Variants in MAN1B1 observed in about 807,000 individuals in gnomAD.
MAN1B1 encodes endoplasmic reticulum mannosyl-oligosaccharide 1,2-alpha-mannosidase.
In MAN1B1, 66 loss-of-function variants were observed where a neutral mutation model predicts 75.5. That is an observed-to-expected ratio of 0.87 (90% CI 0.72 to 1.07). The LOEUF (loss-of-function observed/expected upper bound fraction) is 1.07. Ranked by LOEUF, MAN1B1 falls within the 50% of genes least tolerant of loss-of-function variation. The probability of loss-of-function intolerance (pLI) is 0.00; values close to 1 mark genes in which losing one functional copy is unlikely to be tolerated. For synonymous variants in MAN1B1, 453 were observed against 382.8 expected, an observed-to-expected ratio of 1.18 and a Z score of -2.14; for missense variants, 973 against 912.5, an observed-to-expected ratio of 1.07 and a Z score of -0.85.
At chr9:137,094,323 G>A (rs1042726318) in intron 3 of MAN1B1, 3 of 420,338 alleles carry the variant, frequency 7.1e-6, no homozygotes, top group South Asian at 3.6e-5. Context: ...CCCTCGTAAC[G>A]GTGATTTTTA....
chr9:137,094,709 T>C (rs897585030), intron 3 of MAN1B1, among the ~76,000 whole-genome samples: 10 of 151,036 alleles, frequency 6.6e-5, no homozygotes, highest in Non-Finnish European at 1.3e-4. Context: ...TGAAATCCTG[T>C]CTCTACTAAC....
rs751798721 is a variant in MAN1B1, at chr9:137,106,812, G to T, written c.1566+3G>T. The T allele has an allele frequency of 6.2e-7, 1 of 1,613,168 alleles. No homozygotes were observed. The highest frequency in any genetic ancestry group is 2.2e-5 in the East Asian group (1 of 44,880). ...ACGGCCGCTTCAGTGCCAAGATGGT[G>T]AGTGTGTCTGCGGGGCCTTCCGGCC... On this transcript the variant is annotated splice_donor_region_variant and intron_variant, in intron 10 of 12. Coordinates refer to ENST00000371589, the MANE Select transcript of MAN1B1 (RefSeq NM_016219.5).
chr9:137,097,686 CA>C, intron 4 of MAN1B1, 141 bp from the exon 5 acceptor site: 1 of 700,002 alleles, frequency 1.4e-6, no homozygotes. Context: ...TGTTTCCTGC[CA>C]CTCAGCAGCC....
Position 137,097,904 on chromosome 9 carries a change from C to A in MAN1B1, c.697C>A (p.Pro233Thr), listed in dbSNP as rs763067251. ...SRRAEVPTKP[P>T]LPPARTQGTP... ...AAGAGCAGAAGTGCCCACCAAGCCT[C>A]CCCTGCCACCGGCCAGGACACAGGG... The change falls in exon 5 of 13, where the codon CCC becomes ACC. Residue 233 changes from proline to threonine, a missense_variant. Coordinates refer to ENST00000371589, the MANE Select transcript of MAN1B1 (RefSeq NM_016219.5). 2.6e-6 allele frequency: 4 copies of A among 1,560,164 alleles called. No homozygotes were observed. The South Asian group carries it at 3.6e-5, about 14-fold the overall frequency.
chr9:137,088,069 C>G lies in MAN1B1; in HGVS notation c.220-6C>G, dbSNP rs987547910. On this transcript the variant is annotated splice_region_variant and splice_polypyrimidine_tract_variant and intron_variant, in intron 1 of 12. Coordinates refer to ENST00000371589, the MANE Select transcript of MAN1B1 (RefSeq NM_016219.5). ...TAAGAAATGTCATTCTCTGTACCTC[C>G]CTTAGAAATGGAAGCAACTGTCGAG... is the stretch of plus-strand genomic sequence containing the variant. The G allele has an allele frequency of 3.1e-6, 5 of 1,608,110 alleles. No individual in the cohort carries two copies. Among genetic ancestry groups the G allele is most frequent in the Non-Finnish European group, 4.3e-6 (5 of 1,174,594 alleles).
chr9:137,107,928 G>T lies in MAN1B1; in HGVS notation c.1896+266G>T, dbSNP rs901186020. 8 of 645,390 alleles carry T rather than the reference G, an allele frequency of 1.2e-5. No individual in the cohort carries two copies. In the African/African-American group the frequency reaches 1.5e-4, roughly 12 times the overall value. The allele number at this position is 645,390 out of a possible 1,614,324, so 40.0% of individuals were successfully genotyped here. ...ATTTCTCAGGGCCTGTCTAGGGAGG[G>T]TCTCTGCTGTGGGCCCAGCATCCCC... On this transcript the variant is annotated intron_variant, in intron 12 of 12. Coordinates refer to ENST00000371589, the MANE Select transcript of MAN1B1 (RefSeq NM_016219.5).
At chr9:137,096,479 C>T (rs745844732) in intron 4 of MAN1B1, 88 bp downstream of exon 4, 66 of 1,498,686 alleles carry the variant, frequency 4.4e-5, no homozygotes, top group Non-Finnish European at 5.9e-5. Flanking sequence ...TGTCTGAGAT[C>T]TATTTTCCTT....
intron 8 of MAN1B1, 45 bp from the exon 9 acceptor site, chr9:137,106,080 G>C (rs756779352): frequency 1.3e-6 from 2 of 1,522,582 alleles, no homozygotes; most frequent in Non-Finnish European, 1.8e-6. Context: ...TCACCCTGCA[G>C]CTCGGCCCTG....
rs142406504 is a variant in MAN1B1 at position 137,107,427 on chromosome 9, C to T, written c.1744C>T (p.Arg582Cys). ...VHFNLYPQPG[R>C]RDVEVKPADR... ...CTTCAACCTTTACCCCCAGCCGGGC[C>T]GTCGGGACGTGGAGGTCAAGGTGGG... is the stretch of plus-strand genomic sequence containing the variant. Residue 582 changes from arginine (R) to cysteine (C), a missense_variant, in exon 11 of 13, where the codon CGT (arginine) becomes TGT (cysteine). Physicochemically the swap from Arg to Cys is radical, Grantham distance 180. Coordinates refer to ENST00000371589, the MANE Select transcript of MAN1B1 (RefSeq NM_016219.5). 129 of 1,613,424 alleles carry T rather than the reference C, an allele frequency of 8.0e-5. No homozygotes were observed. In the African/African-American group the frequency reaches 1.4e-3, roughly 17 times the overall value.
chr9:137,108,786 C>T lies in MAN1B1; in HGVS notation c.*195C>T, dbSNP rs758124439. The T allele has an allele frequency of 9.4e-5, 66 of 702,862 alleles. No individual in the cohort carries two copies. Among genetic ancestry groups the T allele is most frequent in the Non-Finnish European group, 1.4e-4 (54 of 386,972 alleles). 43.5% of individuals were successfully genotyped at this position (702,862 alleles called of 1,614,324 possible). ...TGAGGCCGTCAGTCTTGGTGTGATG[C>T]GGGGTGGGCTGGGCCGCTGGAGCCT... On this transcript the variant is annotated 3_prime_UTR_variant, in exon 13 of 13. Coordinates refer to ENST00000371589, the MANE Select transcript of MAN1B1 (RefSeq NM_016219.5).
chr9:137,098,024 G>A (rs1830703101), intron 5 of MAN1B1, 87 bp downstream of exon 5: 4 of 1,042,138 alleles, frequency 3.8e-6, no homozygotes, highest in South Asian at 1.4e-5. Context: ...CATGGTGGGT[G>A]GCGCCCCCGC....
intron 10 of MAN1B1, 131 bp downstream of exon 10, chr9:137,106,940 C>A: frequency 7.6e-7 from 1 of 1,313,826 alleles, no homozygotes; most frequent in Admixed American, 2.3e-5. Context: ...TGGACCGTGG[C>A]TGCCTGGCCA....
intron 8 of MAN1B1, chr9:137,104,881 TGTGA>T (rs1564309254): frequency 6.7e-6 from 1 of 149,356 alleles, no homozygotes; most frequent in Non-Finnish European, 1.5e-5. Flanking sequence ...TTTTGGGTGT[TGTGA>T]GTGTGGGTGC....
chr9:137,091,597 G>T (rs1211004498), intron 3 of MAN1B1, among the ~76,000 whole-genome samples: 1 of 144,156 alleles, frequency 6.9e-6, no homozygotes, highest in Non-Finnish European at 1.5e-5. Context: ...CGCAATCTCA[G>T]GTCACTGCAA....
intron 11 of MAN1B1, 23 bp downstream of exon 11, chr9:137,107,470 G>A (rs749557873): frequency 1.9e-6 from 3 of 1,613,280 alleles, no homozygotes; most frequent in African/African-American, 1.3e-5. Flanking sequence ...CTGGGTCAGG[G>A]TCCATCAGGA....
chr9:137,098,436 C>G (rs1041777394), intron 5 of MAN1B1, among the ~76,000 whole-genome samples: 3 of 152,232 alleles, frequency 2.0e-5, no homozygotes, highest in African/African-American at 4.8e-5. Context: ...CAGCCACCCC[C>G]AGAGTCGTTT....
chr9:137,106,947 GC>G, intron 10 of MAN1B1, 138 bp downstream of exon 10: 1 of 1,261,422 alleles, frequency 7.9e-7, no homozygotes, highest in Non-Finnish European at 1.1e-6. Context: ...TGGCTGCCTG[GC>G]CAGGCCTGTC....
In MAN1B1 at chr9:137,087,234, G is replaced by C. The variant is rs748529006; in HGVS notation, c.219+16G>C. ...GTGCTGGAGGGTGAGGGTCGCGCCG[G>C]GCTGACTGGGGCCCGGGGCTGCCGT... On this transcript the variant is annotated intron_variant, in intron 1 of 12. Transcript: ENST00000371589. 2 of 1,559,000 alleles carry C rather than the reference G, an allele frequency of 1.3e-6. No homozygotes were observed. The highest frequency in any genetic ancestry group is 3.9e-5 in the Admixed American group (2 of 51,904).
At chr9:137,101,269 A>C in intron 7 of MAN1B1, 116 bp downstream of exon 7, 1 of 1,387,782 alleles carries the variant, frequency 7.2e-7, no homozygotes, top group South Asian at 1.2e-5. Flanking sequence ...AATGCACTGG[A>C]GTCTGTTTCT....
Sources: allele counts gnomAD v4.1 joint callset (sites outside exome capture counted in the v4.1 genomes callset), GRCh38; gene constraint gnomAD v4.1.1; transcripts MANE v1.5; gene names NCBI Gene and HGNC (gene_info 2026-07-23, HGNC 2026-07-21).